C8A: variants seen among roughly 807,000 people sequenced by gnomAD.
C8A encodes the protein complement C8 alpha chain.
A neutral mutation model predicts 65.3 loss-of-function variants in C8A; 67 were observed. The ratio of observed to expected loss-of-function variants is 1.03; its 90% CI spans 0.84 to 1.26. The LOEUF (loss-of-function observed/expected upper bound fraction) is 1.26. Among genes scored for constraint, C8A ranks in the 50% most tolerant of loss-of-function variants. C8A has a pLI of 0.00. For synonymous variants in C8A, 290 were observed against 259.4 expected (o/e 1.12, Z -1.13); for missense variants, 781 against 723.9 (o/e 1.08, Z -0.90).
Position 56,854,884 on chromosome 1 carries a change from C to T in C8A, c.-18C>T, listed in dbSNP as rs143035893. The T allele has an allele frequency of 2.7e-4, 440 of 1,609,082 alleles. 3 individuals carry two copies. In the East Asian group the frequency reaches 7.7e-3, roughly 28 times the overall value. On this transcript the variant is annotated 5_prime_UTR_variant, in exon 1 of 11. Coordinates refer to ENST00000361249, the MANE Select transcript of C8A (RefSeq NM_000562.3). ...TTTATTCCTTCAAGGTAATATAGTG[C>T]GGTGGCTTCTGGCTGAGATGTTTGC...
At chr1:56,914,633 T>C (rs1033322552) in intron 10 of C8A, among the ~76,000 whole-genome samples, 1 of 152,140 alleles carries the variant, frequency 6.6e-6, no homozygotes, top group Non-Finnish European at 1.5e-5. Context: ...CAGGATAGCA[T>C]AGCTCAGGTA....
At chr1:56,879,475 T>C in intron 4 of C8A, among the ~76,000 whole-genome samples, 1 of 152,188 alleles carries the variant, frequency 6.6e-6, no homozygotes, top group East Asian at 1.9e-4. Context: ...GATTACCGTT[T>C]CTTTGAGTTT....
chr1:56,891,624 A>G (rs1259598936), intron 7 of C8A, among the ~76,000 whole-genome samples: 4 of 152,122 alleles, frequency 2.6e-5, no homozygotes. Context: ...TTGAAAGTAG[A>G]AATTAAGGAA....
At chr1:56,895,808 G>A (rs1287072907) in intron 7 of C8A, among the ~76,000 whole-genome samples, 1 of 152,020 alleles carries the variant, frequency 6.6e-6, no homozygotes, top group Non-Finnish European at 1.5e-5. Context: ...AAACTAGCCA[G>A]GCATGGTACA....
chr1:56,917,487 T>C, intron 10 of C8A, 78 bp from the exon 11 acceptor site: 1 of 1,498,862 alleles, frequency 6.7e-7, no homozygotes, highest in Non-Finnish European at 9.3e-7. Flanking sequence ...CACACACCCC[T>C]CCCTGTTCAT....
chr1:56,911,260 A>C (rs1644503719), intron 9 of C8A, among the ~76,000 whole-genome samples: 1 of 152,172 alleles, frequency 6.6e-6, no homozygotes, highest in East Asian at 1.9e-4. Context: ...TAGGCCACAT[A>C]GCTAGAAAGT....
intron 7 of C8A, among the ~76,000 whole-genome samples, chr1:56,892,120 C>A (rs1173035786): frequency 6.6e-6 from 1 of 152,086 alleles, no homozygotes; most frequent in Non-Finnish European, 1.5e-5. Context: ...TCTCCAGAAT[C>A]CCTACCCATA....
chr1:56,916,611 A>C (rs1005188259), intron 10 of C8A, among the ~76,000 whole-genome samples: 11 of 152,340 alleles, frequency 7.2e-5, no homozygotes, highest in African/African-American at 2.6e-4. Flanking sequence ...CTGCCCCAGC[A>C]GAGGAGGGCG....
At chr1:56,875,511 G>A (rs1570323330) in intron 3 of C8A, among the ~76,000 whole-genome samples, 1 of 152,164 alleles carries the variant, frequency 6.6e-6, no homozygotes, top group Non-Finnish European at 1.5e-5. Context: ...GCATGGCCTA[G>A]TGGGTCTTTC....
At chr1:56,881,908 C>T (rs1028891733) in intron 5 of C8A, among the ~76,000 whole-genome samples, 4 of 152,158 alleles carry the variant, frequency 2.6e-5, no homozygotes, top group Non-Finnish European at 4.4e-5. Context: ...GCCAATCAGA[C>T]AACCTATTTC....
rs989236794 is a variant in C8A at position 56,875,035 on chromosome 1, T to G, written c.258T>G (p.Ser86Arg). The change falls in exon 3 of 11, where the codon AGT becomes AGG. Residue 86 changes from serine to arginine, a missense_variant. Coordinates refer to ENST00000361249, the MANE Select transcript of C8A (RefSeq NM_000562.3). The stretch of plus-strand genomic sequence containing the variant: ...TCTGGGATCAAGCCAGCTGCTCCAG[T>G]TCTACAACTTGTGTAAGGCAAGCAC... ...GDIWDQASCS[S>R]STTCVRQAQC... 1 of 1,613,720 alleles carries G rather than the reference T, an allele frequency of 6.2e-7. No individual in the cohort carries two copies. Among genetic ancestry groups the G allele is most frequent in the Admixed American group, 1.7e-5 (1 of 59,990 alleles).
At chr1:56,900,182 T>G (rs1644415975) in intron 7 of C8A, among the ~76,000 whole-genome samples, 1 of 152,202 alleles carries the variant, frequency 6.6e-6, no homozygotes, top group African/African-American at 2.4e-5. Flanking sequence ...AGGACTACCA[T>G]TGGCTACACA....
chr1:56,905,360 AC>A (rs1488295533), intron 7 of C8A, among the ~76,000 whole-genome samples: 2 of 152,230 alleles, frequency 1.3e-5, no homozygotes, highest in African/African-American at 2.4e-5. Flanking sequence ...GGTGTTAGTG[AC>A]TGGAATTTGA....
chr1:56,913,886 A>G (rs1045820021), intron 10 of C8A, among the ~76,000 whole-genome samples: 1 of 152,204 alleles, frequency 6.6e-6, no homozygotes, highest in Non-Finnish European at 1.5e-5. Flanking sequence ...AAACAGGCCA[A>G]CCATTAGTCC....
At chr1:56,862,888 G>A (rs1236844603) in intron 1 of C8A, among the ~76,000 whole-genome samples, 1 of 152,130 alleles carries the variant, frequency 6.6e-6, no homozygotes, top group Non-Finnish European at 1.5e-5. Flanking sequence ...AAGCCATTTG[G>A]CAATATGTGC....
rs757066800 is a variant in C8A, at chr1:56,906,757, G to A, written c.1187G>A (p.Gly396Glu). Residue 396 changes from glycine (G) to glutamate (E), a missense_variant, in exon 8 of 11, where the codon GGA (glycine) becomes GAA (glutamate). Physicochemically the swap from Gly to Glu is moderately conservative, Grantham distance 98. Transcript: ENST00000361249. ...DKINVGGGLS[G>E]DHCKKFGGGK... ...ATAAATGTTGGTGGAGGTTTATCAG[G>A]AGACCATTGTAAAAAATTTGGAGGT... is the stretch of plus-strand genomic sequence containing the variant. The A allele has an allele frequency of 1.2e-6, 2 of 1,614,100 alleles. No individual in the cohort carries two copies. Among genetic ancestry groups the A allele is most frequent in the Non-Finnish European group, 1.7e-6 (2 of 1,179,978 alleles).
At chr1:56,911,348 G>A (rs1644504675) in intron 9 of C8A, among the ~76,000 whole-genome samples, 1 of 152,140 alleles carries the variant, frequency 6.6e-6, no homozygotes, top group Non-Finnish European at 1.5e-5. Context: ...AATAATCCTG[G>A]AGGGTGTGAT....
chr1:56,861,476 A>G (rs1242581080), intron 1 of C8A, among the ~76,000 whole-genome samples: 1 of 152,144 alleles, frequency 6.6e-6, no homozygotes, highest in Admixed American at 6.5e-5. Flanking sequence ...CACTACCACA[A>G]GAGCAGCACT....
At chr1:56,906,834 C>T (rs779177587) in intron 8 of C8A, 42 bp downstream of exon 8, 5 of 1,613,344 alleles carry the variant, frequency 3.1e-6, no homozygotes, top group Non-Finnish European at 4.2e-6. Flanking sequence ...AGAAGCCAGG[C>T]TTTCCTTTGG....
Sources: allele counts gnomAD v4.1 joint callset (sites outside exome capture counted in the v4.1 genomes callset), GRCh38; gene constraint gnomAD v4.1.1; transcripts MANE v1.5; gene names NCBI Gene and HGNC (gene_info 2026-07-23, HGNC 2026-07-21).